NCKAP5: variants seen among roughly 807,000 people sequenced by gnomAD.
The protein encoded by NCKAP5 is NCK associated protein 5, also known as nck-associated protein 5.
NCKAP5 carries 92 observed loss-of-function variants against 167.0 expected under a neutral mutation model. That is an observed-to-expected ratio of 0.55 (90% confidence interval 0.47 to 0.66). The LOEUF is 0.66. Among genes scored for constraint, NCKAP5 ranks in the 30% least tolerant of loss-of-function variants. The pLI is 0.00. For synonymous variants in NCKAP5, 891 were observed against 877.4 expected, an observed-to-expected ratio of 1.02 and a Z score of -0.27; for missense variants, 2,378 against 2,315.0, an observed-to-expected ratio of 1.03 and a Z score of -0.56.
chr2:132,725,564 G>A, intron 19 of NCKAP5, 63 bp downstream of exon 19: 1 of 1,536,116 alleles, frequency 6.5e-7, no homozygotes, highest in Non-Finnish European at 8.7e-7. Context: ...CACAGTGAAA[G>A]GTATAATCAG....
At chr2:133,405,968 C>T (rs1053168365) in intron 3 of NCKAP5, among the ~76,000 whole-genome samples, 6 of 152,350 alleles carry the variant, frequency 3.9e-5, no homozygotes, top group African/African-American at 1.4e-4. Context: ...TTCGACAGTA[C>T]TCAAAATTCA....
At chr2:132,691,831 A>C (rs1019374410) in intron 19 of NCKAP5, among the ~76,000 whole-genome samples, 13 of 152,318 alleles carry the variant, frequency 8.5e-5, no homozygotes, top group African/African-American at 2.4e-4. Context: ...CCCGCCACAG[A>C]AATATTCCAA....
At chr2:132,939,900 T>C (rs537247859) in intron 8 of NCKAP5, among the ~76,000 whole-genome samples, 2 of 152,280 alleles carry the variant, frequency 1.3e-5, no homozygotes, top group South Asian at 4.1e-4. Context: ...CTCAGGAGGC[T>C]GAGGCAGGAG....
Position 132,673,038 on chromosome 2 carries a change from A to G in NCKAP5, c.*251T>C. 9.7e-7 allele frequency: 1 copy of G among 1,032,770 alleles called. No individual in the cohort carries two copies. The highest frequency in any genetic ancestry group is 1.2e-6 in the Non-Finnish European group (1 of 865,362). 64.0% of individuals were successfully genotyped at this position (1,032,770 alleles called of 1,614,324 possible). A position where few individuals can be genotyped will look rare whatever the true frequency, so the allele number is the denominator to read the frequency against. ...AGAGATGTCCTTTATACATCATTTG[A>G]ACCTTGACTGGCACAGGAAGAGAAG... On this transcript the variant is annotated 3_prime_UTR_variant, in exon 20 of 20. Transcript: ENST00000409261.
At chr2:133,451,619 G>A (rs1288457074) in intron 3 of NCKAP5, among the ~76,000 whole-genome samples, 1 of 152,166 alleles carries the variant, frequency 6.6e-6, no homozygotes, top group African/African-American at 2.4e-5. Flanking sequence ...TGACTTTCAT[G>A]TGATTTTTGA....
intron 6 of NCKAP5, among the ~76,000 whole-genome samples, chr2:133,001,102 A>G (rs1379895091): frequency 6.6e-6 from 1 of 152,180 alleles, no homozygotes; most frequent in African/African-American, 2.4e-5. Context: ...GTTACATTTA[A>G]GATTTATGTA....
At chr2:133,249,197 A>C (rs1041544572) in intron 4 of NCKAP5, among the ~76,000 whole-genome samples, 6 of 152,180 alleles carry the variant, frequency 3.9e-5, no homozygotes, top group African/African-American at 1.4e-4. Context: ...ACTAAGTTAA[A>C]GATCTTGAGA....
At chr2:133,152,306 C>G (rs528256357) in intron 5 of NCKAP5, among the ~76,000 whole-genome samples, 14 of 152,260 alleles carry the variant, frequency 9.2e-5, no homozygotes, top group Admixed American at 7.2e-4. Flanking sequence ...AGTTTTCCCC[C>G]CTTTGGAAGC....
At position 132,948,911 on chromosome 2, in the gene NCKAP5, G is replaced by C. The variant is rs536145186; in HGVS notation, c.579+14809C>G. 4.9e-4 allele frequency among the ~76,000 whole-genome samples: 75 copies of C among 152,152 alleles called. 1 individual carries two copies. The South Asian group carries it at 5.0e-3, about 10-fold the overall frequency. ...TTGGCTGATTCACTATGACTGATTT[G>C]TTCTGTGGAAGGAAAGAAAAATTCA... On this transcript the variant is annotated intron_variant, in intron 8 of 19. Transcript: ENST00000409261.
At chr2:132,752,811 C>T (rs963676218) in intron 16 of NCKAP5, among the ~76,000 whole-genome samples, 13 of 152,018 alleles carry the variant, frequency 8.6e-5, no homozygotes, top group African/African-American at 2.4e-4. Context: ...CCAGGAGAGC[C>T]GATTTGTTAT....
chr2:132,768,458 A>C (rs1681712960), intron 16 of NCKAP5, among the ~76,000 whole-genome samples: 1 of 152,204 alleles, frequency 6.6e-6, no homozygotes. Context: ...AGGAAAGAAT[A>C]ATTAGAAATA....
intron 19 of NCKAP5, among the ~76,000 whole-genome samples, chr2:132,718,389 A>G (rs1209811324): frequency 1.3e-5 from 2 of 152,168 alleles, no homozygotes; most frequent in Admixed American, 6.5e-5. Context: ...AACGGGTGTG[A>G]TGCACACTCA....
intron 5 of NCKAP5, among the ~76,000 whole-genome samples, chr2:133,208,952 G>A (rs774918174): frequency 5.9e-5 from 9 of 152,162 alleles, no homozygotes; most frequent in Non-Finnish European, 1.3e-4. Context: ...GGTAAGGGTA[G>A]TAATAAAGGC....
chr2:133,161,315 T>C (rs533669188), intron 5 of NCKAP5, among the ~76,000 whole-genome samples: 1 of 152,324 alleles, frequency 6.6e-6, no homozygotes, highest in East Asian at 1.9e-4. Flanking sequence ...CTCATCTTAA[T>C]CATGCTGCAC....
chr2:133,469,009 C>T (rs1692829097), intron 3 of NCKAP5, among the ~76,000 whole-genome samples: 1 of 151,884 alleles, frequency 6.6e-6, no homozygotes, highest in Non-Finnish European at 1.5e-5. Context: ...AGTCCATTTA[C>T]ATTTAAAGTT....
the NCKAP5 span, among the ~76,000 whole-genome samples, chr2:133,623,635 A>T: frequency 9.2e-5 from 14 of 151,428 alleles, no homozygotes; most frequent in African/African-American, 2.4e-4. Context: ...ACCACAATAA[A>T]AAAAAAAAAA....
chr2:133,522,180 A>G (rs556412486), intron 2 of NCKAP5, among the ~76,000 whole-genome samples: 1 of 152,306 alleles, frequency 6.6e-6, no homozygotes, highest in African/African-American at 2.4e-5. Flanking sequence ...CAGCATCAAC[A>G]GCAGGTGACT....
At chr2:133,181,216 A>G (rs2084717166) in intron 5 of NCKAP5, among the ~76,000 whole-genome samples, 1 of 152,156 alleles carries the variant, frequency 6.6e-6, no homozygotes, top group African/African-American at 2.4e-5. Flanking sequence ...TAAAAGGGAC[A>G]AAGATTTCTG....
chr2:133,166,815 G>A (rs1378697193), intron 5 of NCKAP5, among the ~76,000 whole-genome samples: 1 of 152,150 alleles, frequency 6.6e-6, no homozygotes, highest in Non-Finnish European at 1.5e-5. Flanking sequence ...TCTGGTTTTA[G>A]GGGGCTGACA....
Sources: allele counts gnomAD v4.1 joint callset (sites outside exome capture counted in the v4.1 genomes callset), GRCh38; gene constraint gnomAD v4.1.1; transcripts MANE v1.5; gene names NCBI Gene and HGNC (gene_info 2026-07-23, HGNC 2026-07-21).